MAF: variants seen among roughly 807,000 people sequenced by gnomAD.
MAF encodes MAF bZIP transcription factor.
In MAF, 10 loss-of-function variants were observed where a neutral mutation model predicts 22.0. The ratio of observed to expected loss-of-function variants is 0.45; its 90% CI spans 0.28 to 0.77. The LOEUF is 0.77. Among genes scored for constraint, MAF ranks in the 30% least tolerant of loss-of-function variants. The pLI is 0.12. For missense variants in MAF, 544 were observed against 548.4 expected (o/e 0.99, Z 0.08); for synonymous variants, 337 against 255.8 (o/e 1.32, Z -3.03).
the MAF span, among the ~76,000 whole-genome samples, chr16:79,409,674 T>C: frequency 6.6e-6 from 1 of 151,976 alleles, no homozygotes; most frequent in Non-Finnish European, 1.5e-5. Context: ...ACAGCAACGC[T>C]CAATTGCCCA....
chr16:79,374,944 T>A, the MAF span, among the ~76,000 whole-genome samples: 1 of 152,210 alleles, frequency 6.6e-6, no homozygotes, highest in Admixed American at 6.5e-5. Context: ...TTTTCATGTG[T>A]GCATATGTGT....
chr16:79,522,177 G>A, the MAF span, among the ~76,000 whole-genome samples: 8 of 152,162 alleles, frequency 5.3e-5, no homozygotes, highest in Non-Finnish European at 1.0e-4. Context: ...TACTTAGAAG[G>A]AGAGCCTGGG....
chr16:79,211,470 G>T, the MAF span: 1 of 1,078,414 alleles, frequency 9.3e-7, no homozygotes, highest in Middle Eastern at 2.9e-4. Flanking sequence ...TTTCAGCCCA[G>T]TACCCTTTGC....
the MAF span, among the ~76,000 whole-genome samples, chr16:79,441,658 G>T: frequency 6.6e-6 from 1 of 152,184 alleles, no homozygotes; most frequent in African/African-American, 2.4e-5. Context: ...AAAGACAGTG[G>T]CCTGCCCTGG....
the MAF span, among the ~76,000 whole-genome samples, chr16:79,359,178 G>A: frequency 6.6e-6 from 1 of 152,110 alleles, no homozygotes; most frequent in Non-Finnish European, 1.5e-5. Flanking sequence ...CCCCACAGTA[G>A]CTGGGGAATG....
At chr16:79,581,831 C>G (rs984869095), downstream of MAF, among the ~76,000 whole-genome samples, 2 of 152,150 alleles carry the variant, frequency 1.3e-5, no homozygotes, top group African/African-American at 4.8e-5. Context: ...AATGTCATTC[C>G]GCAGGCTTAC....
chr16:79,217,253 C>T, the MAF span, among the ~76,000 whole-genome samples: 1 of 152,236 alleles, frequency 6.6e-6, no homozygotes, highest in Non-Finnish European at 1.5e-5. Flanking sequence ...AGCTGGTAGA[C>T]AGCAGAGTCA....
At chr16:79,442,923 C>A in the MAF span, among the ~76,000 whole-genome samples, 1 of 152,176 alleles carries the variant, frequency 6.6e-6, no homozygotes, top group Non-Finnish European at 1.5e-5. Context: ...TTAATCCACA[C>A]TGATTTTCAG....
At chr16:79,405,291 C>G in the MAF span, among the ~76,000 whole-genome samples, 12 of 152,222 alleles carry the variant, frequency 7.9e-5, no homozygotes, top group East Asian at 9.7e-4. Flanking sequence ...TTCTGGGCAC[C>G]TACATGGGGA....
the MAF span, among the ~76,000 whole-genome samples, chr16:79,544,451 A>T: frequency 6.6e-6 from 1 of 152,140 alleles, no homozygotes; most frequent in Non-Finnish European, 1.5e-5. Flanking sequence ...TTCCCTAAAT[A>T]ATATTCCATC....
At chr16:79,221,012 G>C in the MAF span, among the ~76,000 whole-genome samples, 2 of 152,214 alleles carry the variant, frequency 1.3e-5, no homozygotes, top group Non-Finnish European at 2.9e-5. Flanking sequence ...ATAAAAAAAG[G>C]CTGAATGCGG....
downstream of MAF, among the ~76,000 whole-genome samples, chr16:79,581,652 A>T (rs1446845662): frequency 1.3e-5 from 2 of 150,840 alleles, no homozygotes; most frequent in African/African-American, 2.4e-5. Context: ...GACTAAAAAG[A>T]AATCGTCACC....
chr16:79,321,030 G>A, the MAF span, among the ~76,000 whole-genome samples: 3 of 152,156 alleles, frequency 2.0e-5, no homozygotes, highest in South Asian at 2.1e-4. Flanking sequence ...GTCTGATCTC[G>A]ATCTCTTTTG....
At chr16:79,559,534 T>C in the MAF span, among the ~76,000 whole-genome samples, 1 of 152,102 alleles carries the variant, frequency 6.6e-6, no homozygotes, top group Non-Finnish European at 1.5e-5. Flanking sequence ...AGGAAACAAA[T>C]ATTAGGTGAT....
the MAF span, among the ~76,000 whole-genome samples, chr16:79,527,146 T>C: frequency 6.6e-6 from 1 of 152,188 alleles, no homozygotes; most frequent in African/African-American, 2.4e-5. Context: ...AACTTGCCTA[T>C]TTCCAGGGAC....
At chr16:79,221,094 G>C in the MAF span, among the ~76,000 whole-genome samples, 1 of 152,218 alleles carries the variant, frequency 6.6e-6, no homozygotes. Flanking sequence ...TCATTGTTCT[G>C]CTGCTTCAGA....
chr16:79,349,104 C>G, the MAF span, among the ~76,000 whole-genome samples: 1 of 152,216 alleles, frequency 6.6e-6, no homozygotes, highest in Non-Finnish European at 1.5e-5. Context: ...TTTGCTAATT[C>G]TCATAACTTC....
the MAF span, among the ~76,000 whole-genome samples, chr16:79,579,812 A>G: frequency 6.6e-6 from 1 of 152,232 alleles, no homozygotes; most frequent in African/African-American, 2.4e-5. Flanking sequence ...AGGTGCCTTT[A>G]TTATTATTAG....
the MAF span, among the ~76,000 whole-genome samples, chr16:79,445,832 T>C: frequency 1.8e-4 from 28 of 152,362 alleles, no homozygotes; most frequent in African/African-American, 6.5e-4. Flanking sequence ...TGGTGTATTA[T>C]AGATGTTATT....
Sources: allele counts gnomAD v4.1 joint callset (sites outside exome capture counted in the v4.1 genomes callset), GRCh38; gene constraint gnomAD v4.1.1; transcripts MANE v1.5; gene names NCBI Gene and HGNC (gene_info 2026-07-23, HGNC 2026-07-21).